PXDNL: variants seen among roughly 807,000 people sequenced by gnomAD.
PXDNL encodes peroxidasin like, also known as probable oxidoreductase PXDNL.
A neutral mutation model predicts 150.8 loss-of-function variants in PXDNL; 145 were observed. The ratio of observed to expected loss-of-function variants is 0.96; its 90% CI spans 0.84 to 1.10. PXDNL has a LOEUF of 1.10. Ranked by LOEUF, PXDNL falls within the 50% of genes least tolerant of loss-of-function variation. PXDNL has a pLI of 0.00. For synonymous variants in PXDNL, 757 were observed against 725.7 expected, an observed-to-expected ratio of 1.04 and a Z score of -0.69; for missense variants, 2,087 against 1,873.9, an observed-to-expected ratio of 1.11 and a Z score of -2.10.
chr8:51,433,209 A>AAATAATAATAATAATAATAAT (rs71237206), intron 12 of PXDNL, among the ~76,000 whole-genome samples: 1 of 144,152 alleles, frequency 6.9e-6, no homozygotes, highest in South Asian at 2.2e-4. Context: ...ACTCTATCTC[A>AAATAATAATAATAATAATAAT]AATAATAATA....
At chr8:51,604,045 C>G (rs10087604) in intron 2 of PXDNL, among the ~76,000 whole-genome samples, 1 of 151,936 alleles carries the variant, frequency 6.6e-6, no homozygotes, top group African/African-American at 2.4e-5. Context: ...CTTTAAGAAA[C>G]CTTCCTCCAA....
At chr8:51,378,911 A>G (rs949369238) in intron 17 of PXDNL, among the ~76,000 whole-genome samples, 9 of 152,156 alleles carry the variant, frequency 5.9e-5, no homozygotes, top group Non-Finnish European at 8.8e-5. Context: ...TGTAACACTC[A>G]CGGCGAGGGT....
At chr8:51,541,128 T>C (rs994296789) in intron 4 of PXDNL, among the ~76,000 whole-genome samples, 1 of 151,746 alleles carries the variant, frequency 6.6e-6, no homozygotes, top group Non-Finnish European at 1.5e-5. Flanking sequence ...CGTGGTGGCA[T>C]GTGCCTATAG....
intron 2 of PXDNL, among the ~76,000 whole-genome samples, chr8:51,652,461 AAACAC>A (rs1815062803): frequency 5.0e-5 from 7 of 140,002 alleles, no homozygotes; most frequent in East Asian, 2.1e-4. Context: ...ACACACACAC[AAACAC>A]ACACACACAC....
At chr8:51,531,687 G>T (rs753121719) in intron 4 of PXDNL, among the ~76,000 whole-genome samples, 4 of 152,192 alleles carry the variant, frequency 2.6e-5, no homozygotes, top group Non-Finnish European at 4.4e-5. Flanking sequence ...AGATCTATGG[G>T]CAAGAAGGAG....
At chr8:51,499,859 T>TC in intron 4 of PXDNL, 89 bp from the exon 5 acceptor site, 6 of 852,614 alleles carry the variant, frequency 7.0e-6, no homozygotes, top group Non-Finnish European at 1.2e-5. Flanking sequence ...CAGCTGAAAT[T>TC]ATGAATTTCA....
intron 3 of PXDNL, among the ~76,000 whole-genome samples, chr8:51,587,660 A>C (rs1158055184): frequency 6.6e-6 from 1 of 152,208 alleles, no homozygotes; most frequent in African/African-American, 2.4e-5. Flanking sequence ...GGGAAAATGC[A>C]CGCTATAAAT....
intron 20 of PXDNL, among the ~76,000 whole-genome samples, chr8:51,344,136 G>A (rs771328669): frequency 1.3e-5 from 2 of 151,844 alleles, no homozygotes; most frequent in African/African-American, 2.4e-5. Context: ...AGACAGTCTC[G>A]TTCTATCACT....
intron 2 of PXDNL, among the ~76,000 whole-genome samples, chr8:51,626,931 A>G (rs1814371869): frequency 6.6e-6 from 1 of 152,210 alleles, no homozygotes. Context: ...ATGTCTGCTC[A>G]CATTAGCTGT....
At chr8:51,659,269 A>G (rs1043888789) in intron 1 of PXDNL, among the ~76,000 whole-genome samples, 5 of 152,188 alleles carry the variant, frequency 3.3e-5, no homozygotes, top group African/African-American at 9.7e-5. Context: ...AAGCAATCCT[A>G]GTCATTGTAC....
intron 2 of PXDNL, among the ~76,000 whole-genome samples, chr8:51,625,656 G>A (rs1485981089): frequency 2.0e-5 from 3 of 152,140 alleles, no homozygotes; most frequent in African/African-American, 7.2e-5. Flanking sequence ...CACATGACTG[G>A]AATTGCTTAA....
chr8:51,457,108 A>G (rs1323897897), intron 9 of PXDNL, among the ~76,000 whole-genome samples: 1 of 152,262 alleles, frequency 6.6e-6, no homozygotes. Context: ...TAACCATGCA[A>G]TCTTCAACAG....
At chr8:51,728,127 T>G (rs1816851481) in intron 1 of PXDNL, among the ~76,000 whole-genome samples, 1 of 152,206 alleles carries the variant, frequency 6.6e-6, no homozygotes, top group Non-Finnish European at 1.5e-5. Context: ...ATTCCTATTG[T>G]CTAGTGATGT....
chr8:51,403,067 G>A (rs1417173710), intron 17 of PXDNL, among the ~76,000 whole-genome samples: 8 of 128,502 alleles, frequency 6.2e-5, no homozygotes, highest in Admixed American at 9.5e-5. Flanking sequence ...CAGCCTAGGC[G>A]ATAGAGCCAA....
chr8:51,451,592 T>C (rs772458019), intron 10 of PXDNL, among the ~76,000 whole-genome samples: 2 of 152,226 alleles, frequency 1.3e-5, no homozygotes, highest in Non-Finnish European at 2.9e-5. Flanking sequence ...TTGATGACCA[T>C]AGGCCTTTTT....
intron 14 of PXDNL, among the ~76,000 whole-genome samples, chr8:51,417,649 A>G (rs1158580327): frequency 6.6e-6 from 1 of 152,190 alleles, no homozygotes; most frequent in Non-Finnish European, 1.5e-5. Flanking sequence ...AAATTAGCAG[A>G]TAATGTAACT....
At chr8:51,669,775 C>T (rs745853848) in intron 1 of PXDNL, among the ~76,000 whole-genome samples, 8 of 152,140 alleles carry the variant, frequency 5.3e-5, no homozygotes, top group Non-Finnish European at 7.3e-5. Context: ...AACAAAGACA[C>T]GCTAATCTAA....
At chr8:51,677,590 G>T (rs1238547593) in intron 1 of PXDNL, among the ~76,000 whole-genome samples, 1 of 152,028 alleles carries the variant, frequency 6.6e-6, no homozygotes, top group Non-Finnish European at 1.5e-5. Context: ...ATTAATTAAT[G>T]GACTTAGGTG....
intron 2 of PXDNL, among the ~76,000 whole-genome samples, chr8:51,649,316 C>G (rs905352950): frequency 2.6e-5 from 4 of 152,120 alleles, no homozygotes; most frequent in African/African-American, 9.7e-5. Context: ...AGAGGAAAGT[C>G]GGCAAATAAC....
Sources: gnomAD v4.1 joint callset for allele counts (sites outside exome capture counted in the v4.1 genomes callset) on GRCh38, gnomAD v4.1.1 for gene constraint, MANE v1.5 for transcripts, NCBI Gene and HGNC (gene_info 2026-07-23, HGNC 2026-07-21) for gene names.